The following TMEM161B variants were observed in gnomAD, a reference collection of about 807,000 sequenced individuals.
The protein encoded by TMEM161B is transmembrane protein 161B.
A neutral mutation model predicts 61.8 loss-of-function variants in TMEM161B; 34 were observed. The observed-to-expected ratio is 0.55, with a 90% CI of 0.42 to 0.73. The LOEUF is 0.73. Among genes scored for constraint, TMEM161B ranks in the 30% least tolerant of loss-of-function variants. The pLI is 0.00. For synonymous variants in TMEM161B, 167 were observed against 192.8 expected, an observed-to-expected ratio of 0.87 and a Z score of 1.11; for missense variants, 456 against 558.5, an observed-to-expected ratio of 0.82 and a Z score of 1.85.
At chr5:88,248,714 G>GAA (rs11286517) in intron 1 of TMEM161B, among the ~76,000 whole-genome samples, 4 of 117,556 alleles carry the variant, frequency 3.4e-5, no homozygotes, top group Admixed American at 8.5e-5. Context: ...AGTCGACTGA[G>GAA]AAAAAAAAAA....
In TMEM161B at chr5:88,255,925, T is replaced by C. The variant is rs563958610; in HGVS notation, c.3+12796A>G. On this transcript the variant is annotated intron_variant, in intron 1 of 11. Transcript: ENST00000296595. Reference sequence around the variant, plus strand: ...ACAACAGTAGAATGTGTGAATTTGATGTAACTATCTTAAAAAATACCAGCT... The same window carrying C: ...ACAACAGTAGAATGTGTGAATTTGACGTAACTATCTTAAAAAATACCAGCT... 8.5e-5 allele frequency among the ~76,000 whole-genome samples: 13 copies of C among 152,264 alleles called. No individual in the cohort carries two copies. In the East Asian group the frequency reaches 2.3e-3, roughly 27 times the overall value.
At chr5:88,207,956 C>G (rs1745861498) in intron 5 of TMEM161B, among the ~76,000 whole-genome samples, 1 of 152,170 alleles carries the variant, frequency 6.6e-6, no homozygotes, top group Non-Finnish European at 1.5e-5. Context: ...TTGCCATATG[C>G]CGGGCATTAC....
At chr5:88,252,809 T>C (rs1169042082) in intron 1 of TMEM161B, among the ~76,000 whole-genome samples, 10 of 152,200 alleles carry the variant, frequency 6.6e-5, no homozygotes, top group Admixed American at 6.5e-4. Flanking sequence ...TCTTTATGTA[T>C]TGGAGACTGG....
At chr5:88,190,153 T>G (rs1474628269), downstream of TMEM161B, 1 of 701,002 alleles carries the variant, frequency 1.4e-6, no homozygotes, top group South Asian at 1.5e-5. Context: ...AAATACTTGT[T>G]ACCTCCACAC....
chr5:88,242,633 T>C (rs918868005), intron 1 of TMEM161B, among the ~76,000 whole-genome samples: 1 of 151,772 alleles, frequency 6.6e-6, no homozygotes, highest in Admixed American at 6.6e-5. Context: ...TCTGCAAGTC[T>C]AGTTCCCCTT....
intron 5 of TMEM161B, among the ~76,000 whole-genome samples, chr5:88,208,741 G>A (rs1203264217): frequency 6.6e-6 from 1 of 152,150 alleles, no homozygotes; most frequent in Non-Finnish European, 1.5e-5. Context: ...ATTAGAGAAA[G>A]TTGAGATTTA....
At chr5:88,205,257 G>C (rs1237855812) in intron 8 of TMEM161B, among the ~76,000 whole-genome samples, 1 of 152,114 alleles carries the variant, frequency 6.6e-6, no homozygotes, top group Non-Finnish European at 1.5e-5. Context: ...GAATTTGGTA[G>C]TTAGAAGTAA....
chr5:88,238,869 A>G (rs986620058), intron 2 of TMEM161B, among the ~76,000 whole-genome samples: 11 of 152,070 alleles, frequency 7.2e-5, no homozygotes, highest in Admixed American at 4.6e-4. Flanking sequence ...AGATAATCTT[A>G]AAAACAAAAC....
downstream of TMEM161B, among the ~76,000 whole-genome samples, chr5:88,192,012 A>ATATG (rs1561287415): frequency 2.1e-5 from 2 of 94,022 alleles, no homozygotes; most frequent in African/African-American, 9.7e-5. Context: ...ATATATATAT[A>ATATG]TATATATATA....
At chr5:88,240,938 A>C (rs1475978094) in intron 1 of TMEM161B, 22 bp from the exon 2 acceptor site, 2 of 1,479,404 alleles carry the variant, frequency 1.4e-6, no homozygotes, top group Non-Finnish European at 1.8e-6. Flanking sequence ...AAACAAACAA[A>C]TTTAATAATG....
rs1400081092 is a variant in TMEM161B, at chr5:88,250,632, T to C, written c.4-9716A>G. 2.0e-5 allele frequency: 3 copies of C among 152,284 alleles called. No homozygotes were observed. In the East Asian group the frequency reaches 5.8e-4, roughly 29 times the overall value. The allele number at this position is 152,284 out of a possible 1,614,324, so 9.4% of individuals were successfully genotyped here. A position where few individuals can be genotyped will look rare whatever the true frequency, so the allele number is the denominator to read the frequency against. ...AACAGGAGAAGGAAGAGGATGTTGG[T>C]AGTGCTTTGTACACTCACCAGCCTA... On this transcript the variant is annotated intron_variant, in intron 1 of 11. Coordinates refer to ENST00000296595, the MANE Select transcript of TMEM161B (RefSeq NM_153354.5).
intron 1 of TMEM161B, among the ~76,000 whole-genome samples, chr5:88,255,983 T>C (rs955521882): frequency 5.3e-5 from 8 of 152,146 alleles, no homozygotes; most frequent in African/African-American, 1.9e-4. Flanking sequence ...CAATATAAAG[T>C]CATTTATCAG....
At chr5:88,203,974 TTTA>T (rs1292414327) in intron 8 of TMEM161B, among the ~76,000 whole-genome samples, 2 of 151,662 alleles carry the variant, frequency 1.3e-5, no homozygotes, top group African/African-American at 4.9e-5. Flanking sequence ...CTTCACCCAT[TTTA>T]TTACCATAAA....
At chr5:88,197,839 C>A in intron 10 of TMEM161B, 74 bp from the exon 11 acceptor site, 2 of 1,256,082 alleles carry the variant, frequency 1.6e-6, no homozygotes, top group Non-Finnish European at 2.3e-6. Context: ...CATATAATTG[C>A]CATACCAAAA....
chr5:88,239,434 C>T (rs1302211372), intron 2 of TMEM161B, among the ~76,000 whole-genome samples: 1 of 151,982 alleles, frequency 6.6e-6, no homozygotes, highest in Non-Finnish European at 1.5e-5. Flanking sequence ...TTGCCCAGCT[C>T]ATGTTCATCT....
chr5:88,205,616 G>T lies in TMEM161B; in HGVS notation c.800+198C>A, dbSNP rs929061170. 8.0e-6 allele frequency: 4 copies of T among 500,248 alleles called. 1 individual carries two copies. In the South Asian group the frequency reaches 9.7e-5, roughly 12 times the overall value. The allele number at this position is 500,248 out of a possible 1,614,324, so 31.0% of individuals were successfully genotyped here. On this transcript the variant is annotated intron_variant, in intron 8 of 11. Coordinates refer to ENST00000296595, the MANE Select transcript of TMEM161B (RefSeq NM_153354.5). ...TAAGACAAATTTAGTAATCGATGATGTATCTTTTTAAATACAAGACTTAAA... is the reference window on the plus strand; with the variant it reads ...TAAGACAAATTTAGTAATCGATGATTTATCTTTTTAAATACAAGACTTAAA...
intron 1 of TMEM161B, among the ~76,000 whole-genome samples, chr5:88,244,662 T>C (rs1027990323): frequency 4.6e-5 from 7 of 151,694 alleles, no homozygotes; most frequent in African/African-American, 1.7e-4. Context: ...AAATAGTTTT[T>C]TCTAATTCTG....
At chr5:88,233,139 G>A (rs1025179009) in intron 2 of TMEM161B, among the ~76,000 whole-genome samples, 5 of 152,198 alleles carry the variant, frequency 3.3e-5, no homozygotes, top group African/African-American at 1.2e-4. Flanking sequence ...GCTAGGCAGA[G>A]GAGATATAAT....
At chr5:88,205,705 GTTA>G in intron 8 of TMEM161B, 106 bp downstream of exon 8, 1 of 1,267,758 alleles carries the variant, frequency 7.9e-7, no homozygotes, top group Non-Finnish European at 1.1e-6. Flanking sequence ...ACATCAAATG[GTTA>G]TTAATTTTCA....
Sources: allele counts gnomAD v4.1 joint callset (sites outside exome capture counted in the v4.1 genomes callset), GRCh38; gene constraint gnomAD v4.1.1; transcripts MANE v1.5; gene names NCBI Gene and HGNC (gene_info 2026-07-23, HGNC 2026-07-21).